RBBP4: variants seen among roughly 807,000 people sequenced by gnomAD.
The protein encoded by RBBP4 is RB binding protein 4, chromatin remodeling factor.
In RBBP4, 3 loss-of-function variants were observed where a neutral mutation model predicts 57.2. The observed-to-expected ratio is 0.05, with a 90% CI of 0.02 to 0.14. The LOEUF is 0.14. Among genes scored for constraint, RBBP4 ranks in the 10% least tolerant of loss-of-function variants. RBBP4 has a pLI of 1.00. For synonymous variants in RBBP4, 151 were observed against 171.5 expected, an observed-to-expected ratio of 0.88 and a Z score of 0.93; for missense variants, 107 against 520.6, an observed-to-expected ratio of 0.21 and a Z score of 7.73.
At chr1:32,676,612 CAAAAAA>C (rs1229475952) in intron 11 of RBBP4, among the ~76,000 whole-genome samples, 1 of 57,926 alleles carries the variant, frequency 1.7e-5, no homozygotes, top group Non-Finnish European at 4.9e-5. Context: ...AACTCCATCT[CAAAAAA>C]AAAAAAAAAA....
Position 32,683,446 on chromosome 1 carries a change from T to A in RBBP4, c.*3741T>A, listed in dbSNP as rs924871922. On this transcript the variant is annotated 3_prime_UTR_variant, in exon 12 of 12. Coordinates refer to ENST00000373493, the MANE Select transcript of RBBP4 (RefSeq NM_005610.3). ...AACTGAGAATAGCAGGTGGGTAGGG[T>A]AGGATGAGGAAACAAGATGCCCAAA... The A allele has an allele frequency of 1.3e-5, 2 of 152,090 alleles. No individual in the cohort carries two copies. The highest frequency in any genetic ancestry group is 4.8e-5 in the African/African-American group (2 of 41,342). The allele number at this position is 152,090 out of a possible 1,614,324, so 9.4% of individuals were successfully genotyped here.
chr1:32,658,681 G>A (rs1438701106), intron 3 of RBBP4, among the ~76,000 whole-genome samples: 1 of 151,562 alleles, frequency 6.6e-6, no homozygotes, highest in Non-Finnish European at 1.5e-5. Context: ...CAAGCAGCTG[G>A]GACTACAGGC....
chr1:32,682,979 T>C lies in RBBP4; in HGVS notation c.*3274T>C, dbSNP rs1055994230. 6.6e-6 allele frequency: 1 copy of C among 151,940 alleles called. No individual in the cohort carries two copies. The highest frequency in any genetic ancestry group is 1.5e-5 in the Non-Finnish European group (1 of 67,998). The allele number at this position is 151,940 out of a possible 1,614,324, so 9.4% of individuals were successfully genotyped here. On this transcript the variant is annotated 3_prime_UTR_variant, in exon 12 of 12. Coordinates refer to ENST00000373493, the MANE Select transcript of RBBP4 (RefSeq NM_005610.3). ...AGAAAGATGCCTTCAGTTTTGTCAG[T>C]GTCTAAAAGTTAAGTCTGTTTAGGC...
intron 3 of RBBP4, among the ~76,000 whole-genome samples, chr1:32,665,343 C>A (rs1352777134): frequency 2.0e-5 from 3 of 152,066 alleles, no homozygotes; most frequent in African/African-American, 4.8e-5. Flanking sequence ...CCATACCACC[C>A]ATGTATATCT....
intron 11 of RBBP4, among the ~76,000 whole-genome samples, chr1:32,678,896 CT>C (rs200138353): frequency 2.0e-5 from 3 of 152,030 alleles, no homozygotes. Flanking sequence ...GCCTGACTGG[CT>C]TTTTTATGCC....
chr1:32,675,188 G>A (rs1649046546), intron 11 of RBBP4, among the ~76,000 whole-genome samples: 1 of 151,560 alleles, frequency 6.6e-6, no homozygotes, highest in Non-Finnish European at 1.5e-5. Flanking sequence ...GCGCCACCAC[G>A]CCTGGCTAAA....
At chr1:32,671,341 T>C (rs1648866467) in intron 8 of RBBP4, among the ~76,000 whole-genome samples, 2 of 152,182 alleles carry the variant, frequency 1.3e-5, no homozygotes, top group African/African-American at 4.8e-5. Context: ...TCTCAGCGCT[T>C]TGGGAGGCCG....
rs1252832076 is a variant in RBBP4 at position 32,672,579 on chromosome 1, T to G, written c.1043+53T>G. The G allele has an allele frequency of 3.5e-5, 56 of 1,597,970 alleles. No homozygotes were observed. In the Admixed American group the frequency reaches 9.2e-4, roughly 26 times the overall value. On this transcript the variant is annotated intron_variant, in intron 9 of 11. Coordinates refer to ENST00000373493, the MANE Select transcript of RBBP4 (RefSeq NM_005610.3). The stretch of plus-strand genomic sequence containing the variant: ...ACATAATTATTTCCTTTATTTACAC[T>G]TTGCAAAGGTAGTTACTAAGGGTAA...
chr1:32,675,703 G>A (rs1238449421), intron 11 of RBBP4, among the ~76,000 whole-genome samples: 1 of 151,846 alleles, frequency 6.6e-6, no homozygotes, highest in African/African-American at 2.4e-5. Context: ...CGGGAGGCAG[G>A]ACTTGCAGTG....
chr1:32,677,148 T>A (rs1649138498), intron 11 of RBBP4, among the ~76,000 whole-genome samples: 1 of 152,146 alleles, frequency 6.6e-6, no homozygotes, highest in South Asian at 2.1e-4. Context: ...TTCCTAGTGA[T>A]CCACTTTGGA....
In RBBP4 at chr1:32,678,107, CCA is replaced by C. The variant is rs371771866; in HGVS notation, c.1213-1530_1213-1529del. The stretch of plus-strand genomic sequence containing the variant: ...GTATTTACAGTTGTGCAACCATCAA[CCA>C]CAGTCAATTTGAGAACATTTTCATC... On this transcript the variant is annotated intron_variant, in intron 11 of 11. Transcript: ENST00000373493. Among the ~76,000 whole-genome samples the C allele has an allele frequency of 3.5e-4, 53 of 152,298 alleles. 1 individual carries two copies. In the East Asian group the frequency reaches 8.3e-3, roughly 24 times the overall value.
intron 11 of RBBP4, among the ~76,000 whole-genome samples, chr1:32,678,850 A>G (rs1649244807): frequency 6.6e-6 from 1 of 151,590 alleles, no homozygotes; most frequent in Non-Finnish European, 1.5e-5. Context: ...TCAGCCTCCC[A>G]AGTGCTGGGA....
chr1:32,672,057 G>T (rs1452775231), intron 8 of RBBP4, among the ~76,000 whole-genome samples: 2 of 151,866 alleles, frequency 1.3e-5, no homozygotes, highest in African/African-American at 4.8e-5. Context: ...GCAGTGGCAC[G>T]ATCTCAGCTC....
At chr1:32,665,327 C>T (rs1044834920) in intron 3 of RBBP4, among the ~76,000 whole-genome samples, 3 of 152,070 alleles carry the variant, frequency 2.0e-5, no homozygotes, top group African/African-American at 2.4e-5. Context: ...TTATCTAATA[C>T]GCCAGCCATA....
In RBBP4 at chr1:32,684,502, G is replaced by A. The variant is rs1167192058; in HGVS notation, c.*4797G>A. 25 of 1,407,550 alleles carry A rather than the reference G, an allele frequency of 1.8e-5. No individual in the cohort carries two copies. The highest frequency in any genetic ancestry group is 2.1e-5 in the Non-Finnish European group (22 of 1,038,048). The allele number at this position is 1,407,550 out of a possible 1,614,324, so 87.2% of individuals were successfully genotyped here. A position where few individuals can be genotyped will look rare whatever the true frequency, so the allele number is the denominator to read the frequency against. On this transcript the variant is annotated 3_prime_UTR_variant, in exon 12 of 12. Transcript: ENST00000373493. ...TAATCTTGATAGCAGTATTGAGGCT[G>A]GTATTTATATGATAGGTTATGAAAC...
At chr1:32,660,268 AT>A (rs1009329917) in intron 3 of RBBP4, among the ~76,000 whole-genome samples, 102 of 152,238 alleles carry the variant, frequency 6.7e-4, no homozygotes, top group African/African-American at 2.4e-3. Context: ...TGCTTTTTTA[AT>A]GGAGCCTTGC....
chr1:32,658,986 T>G (rs1648273387), intron 3 of RBBP4, among the ~76,000 whole-genome samples: 1 of 147,040 alleles, frequency 6.8e-6, no homozygotes, highest in South Asian at 2.1e-4. Flanking sequence ...TACATGCGTG[T>G]ATATATTGTG....
chr1:32,685,893 A>C lies in RBBP4; in HGVS notation c.*6188A>C, dbSNP rs940902128. ...AACCACTAGATTAACTTTACAATCA[A>C]CTCAAAATCCTTCAAAGGCTTTCCA... On this transcript the variant is annotated 3_prime_UTR_variant, in exon 12 of 12. Coordinates refer to ENST00000373493, the MANE Select transcript of RBBP4 (RefSeq NM_005610.3). The C allele has an allele frequency of 1.3e-5, 2 of 152,212 alleles. No homozygotes were observed. The highest frequency in any genetic ancestry group is 4.8e-5 in the African/African-American group (2 of 41,452). 9.4% of individuals were successfully genotyped at this position (152,212 alleles called of 1,614,324 possible).
At chr1:32,654,779 C>T (rs991772592) in intron 2 of RBBP4, among the ~76,000 whole-genome samples, 2 of 152,136 alleles carry the variant, frequency 1.3e-5, no homozygotes, top group African/African-American at 2.4e-5. Context: ...CTGCAACCTC[C>T]GCCTCCTGGG....
Sources: gnomAD v4.1 joint callset for allele counts (sites outside exome capture counted in the v4.1 genomes callset) on GRCh38, gnomAD v4.1.1 for gene constraint, MANE v1.5 for transcripts, NCBI Gene and HGNC (gene_info 2026-07-23, HGNC 2026-07-21) for gene names.